The following RHBDD1 variants were observed in gnomAD, a reference collection of about 807,000 sequenced individuals.
The protein encoded by RHBDD1 is rhomboid-related protein 4.
RHBDD1 carries 38 observed loss-of-function variants against 36.3 expected under a neutral mutation model. The observed-to-expected ratio is 1.05, with a 90% confidence interval of 0.81 to 1.37. The LOEUF is 1.37. RHBDD1 is among the 40% of genes most tolerant of loss of function. The probability of loss-of-function intolerance (pLI) is 0.00; values close to 1 mark genes in which losing one functional copy is unlikely to be tolerated. For synonymous variants in RHBDD1, 151 were observed against 136.5 expected (o/e 1.11, Z -0.74); for missense variants, 393 against 377.6 (o/e 1.04, Z -0.34).
upstream of RHBDD1, among the ~76,000 whole-genome samples, chr2:226,831,062 T>G (rs1326004177): frequency 6.6e-6 from 1 of 152,236 alleles, no homozygotes; most frequent in Non-Finnish European, 1.5e-5. Context: ...CATTGGGAAT[T>G]TTTGTACATT....
intron 3 of RHBDD1, among the ~76,000 whole-genome samples, chr2:226,841,919 T>TA (rs1204599483): frequency 6.6e-6 from 1 of 152,190 alleles, no homozygotes; most frequent in Non-Finnish European, 1.5e-5. Flanking sequence ...ACCAACAGTG[T>TA]AGTAGCATTC....
At chr2:226,818,054 T>C in the RHBDD1 span, among the ~76,000 whole-genome samples, 1 of 152,312 alleles carries the variant, frequency 6.6e-6, no homozygotes, top group African/African-American at 2.4e-5. Flanking sequence ...GAGGGCATTA[T>C]TTCTCCTATT....
At chr2:226,875,862 C>G (rs927149652) in intron 5 of RHBDD1, among the ~76,000 whole-genome samples, 2 of 152,220 alleles carry the variant, frequency 1.3e-5, no homozygotes, top group Admixed American at 6.5e-5. Context: ...GCTTCCTGGT[C>G]AGTAGACTTC....
chr2:226,921,041 T>G (rs1949271581), intron 8 of RHBDD1, among the ~76,000 whole-genome samples: 1 of 152,172 alleles, frequency 6.6e-6, no homozygotes, highest in Non-Finnish European at 1.5e-5. Context: ...TCATTACTTT[T>G]TATTGGTTTG....
At position 226,855,794 on chromosome 2, in the gene RHBDD1, T is replaced by C. The variant is rs1559197928; in HGVS notation, c.-90-8810T>C. 1.3e-5 allele frequency among the ~76,000 whole-genome samples: 2 copies of C among 152,242 alleles called. 1 individual carries two copies. The highest frequency in any genetic ancestry group is 4.1e-4 in the South Asian group (2 of 4,834). ...TATTGAGAGAGTGTCACAGTAGTCA[T>C]AAAGACGAGATTCCCATTACCATCC... On this transcript the variant is annotated intron_variant, in intron 3 of 8. Transcript: ENST00000392062.
intron 3 of RHBDD1, among the ~76,000 whole-genome samples, chr2:226,847,504 G>T (rs1008690762): frequency 1.1e-4 from 17 of 152,176 alleles, no homozygotes; most frequent in Non-Finnish European, 2.4e-4. Flanking sequence ...TAAGACACAA[G>T]CTTGTAGTAA....
At chr2:226,827,131 T>C in the RHBDD1 span, among the ~76,000 whole-genome samples, 2 of 151,952 alleles carry the variant, frequency 1.3e-5, no homozygotes, top group East Asian at 3.9e-4. Context: ...CTACTTTTTG[T>C]ATATATATAT....
At chr2:226,828,297 G>GT in the RHBDD1 span, among the ~76,000 whole-genome samples, 2 of 151,874 alleles carry the variant, frequency 1.3e-5, no homozygotes, top group Non-Finnish European at 2.9e-5. Context: ...TGAATCAGTA[G>GT]TTTTTTTTCG....
chr2:226,803,272 TAAG>T, the RHBDD1 span, among the ~76,000 whole-genome samples: 1 of 151,776 alleles, frequency 6.6e-6, no homozygotes, highest in African/African-American at 2.4e-5. Flanking sequence ...GATGGGGTAA[TAAG>T]AGAGTACAAA....
chr2:226,995,824 C>A lies in RHBDD1; in HGVS notation c.*302C>A. The A allele has an allele frequency of 2.8e-6, 1 of 353,726 alleles. No homozygotes were observed. 21.9% of individuals were successfully genotyped at this position (353,726 alleles called of 1,614,324 possible). A position where few individuals can be genotyped will look rare whatever the true frequency, so the allele number is the denominator to read the frequency against. On this transcript the variant is annotated 3_prime_UTR_variant, in exon 9 of 9. Coordinates refer to ENST00000392062, the MANE Select transcript of RHBDD1 (RefSeq NM_001167608.3). ...TCAGCGATGCCTCTGCCTCGGTCTG[C>A]TTTTGAAGACTGTGACCTTCACCAG...
chr2:226,801,774 G>A, the RHBDD1 span, among the ~76,000 whole-genome samples: 4 of 152,154 alleles, frequency 2.6e-5, no homozygotes, highest in Non-Finnish European at 5.9e-5. Flanking sequence ...GCAGAATAAA[G>A]AAGCCTGAAG....
chr2:226,969,605 G>GT (rs1416599960), intron 8 of RHBDD1, among the ~76,000 whole-genome samples: 2 of 152,090 alleles, frequency 1.3e-5, no homozygotes, highest in Non-Finnish European at 2.9e-5. Context: ...ACCAGAAAAC[G>GT]TGAGTCCCGT....
intron 5 of RHBDD1, among the ~76,000 whole-genome samples, chr2:226,901,242 G>A (rs961529014): frequency 2.0e-5 from 3 of 152,154 alleles, no homozygotes; most frequent in Admixed American, 2.0e-4. Context: ...CATTGTGTGT[G>A]TATGCGTGTG....
intron 8 of RHBDD1, among the ~76,000 whole-genome samples, chr2:226,954,204 A>C (rs953727095): frequency 2.6e-5 from 4 of 152,232 alleles, no homozygotes; most frequent in Non-Finnish European, 4.4e-5. Context: ...ACAGAGATAC[A>C]TAGATGAGTT....
At chr2:226,954,681 G>C (rs553715079) in intron 8 of RHBDD1, among the ~76,000 whole-genome samples, 77 of 152,212 alleles carry the variant, frequency 5.1e-4, no homozygotes, top group African/African-American at 1.8e-3. Flanking sequence ...CAGATGGATT[G>C]ATAAAGGTAG....
intron 5 of RHBDD1, among the ~76,000 whole-genome samples, chr2:226,898,791 T>G (rs1306781810): frequency 6.6e-6 from 1 of 152,198 alleles, no homozygotes; most frequent in Non-Finnish European, 1.5e-5. Context: ...CCCCAGAGCT[T>G]CTGATCAGTG....
the RHBDD1 span, among the ~76,000 whole-genome samples, chr2:226,822,138 A>G: frequency 6.6e-6 from 1 of 152,192 alleles, no homozygotes; most frequent in Admixed American, 6.5e-5. Flanking sequence ...AGGCCCACAA[A>G]TAGCTTTATA....
intron 5 of RHBDD1, among the ~76,000 whole-genome samples, chr2:226,879,090 A>C (rs1945492936): frequency 2.0e-5 from 3 of 150,926 alleles, no homozygotes; most frequent in Non-Finnish European, 3.0e-5. Flanking sequence ...AAAAAAAAAA[A>C]CAGACATAGA....
intron 3 of RHBDD1, among the ~76,000 whole-genome samples, chr2:226,860,836 A>G (rs1369053316): frequency 6.6e-6 from 1 of 152,214 alleles, no homozygotes; most frequent in Non-Finnish European, 1.5e-5. Flanking sequence ...CGCATTAAGT[A>G]TACATTTACT....
Sources: allele counts gnomAD v4.1 joint callset (sites outside exome capture counted in the v4.1 genomes callset), GRCh38; gene constraint gnomAD v4.1.1; transcripts MANE v1.5; gene names NCBI Gene and HGNC (gene_info 2026-07-23, HGNC 2026-07-21).